Variants in GRM8 observed in about 807,000 individuals in gnomAD.
GRM8 encodes glutamate metabotropic receptor 8.
Under a neutral mutation model 87.2 loss-of-function variants are expected in GRM8, and 47 were observed. The ratio of observed to expected loss-of-function variants is 0.54; its 90% CI spans 0.43 to 0.69. The LOEUF (loss-of-function observed/expected upper bound fraction) is 0.69, where lower values mean the gene tolerates loss of function less well. GRM8 is among the 30% of genes least tolerant of loss of function. The probability of loss-of-function intolerance (pLI) is 0.00; values close to 1 mark genes in which losing one functional copy is unlikely to be tolerated. For missense variants in GRM8, 1,019 were observed against 1,139.2 expected (o/e 0.89, Z 1.52); for synonymous variants, 396 against 404.5 (o/e 0.98, Z 0.25).
chr7:126,826,776 C>T (rs1427452388), intron 6 of GRM8, among the ~76,000 whole-genome samples: 1 of 152,058 alleles, frequency 6.6e-6, no homozygotes, highest in East Asian at 1.9e-4. Flanking sequence ...GTGTTTTGGA[C>T]ATGAAGTCCT....
rs1816039529 is a variant in GRM8 at position 126,537,987 on chromosome 7, T to C, written c.1495-4100A>G. ...TTCCTCACCTTTGGTATTATTCTGTTATTAAGACGTTTTCAGTCTGAAATA... is the reference window on the plus strand; with the variant it reads ...TTCCTCACCTTTGGTATTATTCTGTCATTAAGACGTTTTCAGTCTGAAATA... On this transcript the variant is annotated intron_variant, in intron 8 of 10. Transcript: ENST00000339582. Among the ~76,000 whole-genome samples, 3 of 152,196 alleles carry C rather than the reference T, an allele frequency of 2.0e-5. No individual in the cohort carries two copies. In the South Asian group the frequency reaches 6.2e-4, roughly 31 times the overall value.
At chr7:126,471,029 G>C (rs1370032103) in intron 9 of GRM8, among the ~76,000 whole-genome samples, 1 of 152,168 alleles carries the variant, frequency 6.6e-6, no homozygotes, top group Non-Finnish European at 1.5e-5. Flanking sequence ...CCCACTTTTT[G>C]ATGGGGTTGT....
At position 126,713,145 on chromosome 7, in the gene GRM8, G is replaced by A. The variant is rs114820360; in HGVS notation, c.1357+56720C>T. ...CATTCTGCTATAAAGACACATGCAC[G>A]TGAATGTTTATTACAGTACTATTCA... On this transcript the variant is annotated intron_variant, in intron 7 of 10. Coordinates refer to ENST00000339582, the MANE Select transcript of GRM8 (RefSeq NM_000845.3). 2.2e-3 allele frequency among the ~76,000 whole-genome samples: 335 copies of A among 152,154 alleles called. 2 individuals are homozygous for A. The highest frequency in any genetic ancestry group is 7.8e-3 in the African/African-American group (325 of 41,514).
chr7:126,701,299 A>G (rs1302152143), intron 7 of GRM8, among the ~76,000 whole-genome samples: 1 of 152,158 alleles, frequency 6.6e-6, no homozygotes, highest in Non-Finnish European at 1.5e-5. Flanking sequence ...GGAGCACAGT[A>G]GCCTGTCAGT....
chr7:126,611,989 G>A (rs1338531356), intron 7 of GRM8, among the ~76,000 whole-genome samples: 2 of 152,106 alleles, frequency 1.3e-5, no homozygotes, highest in Non-Finnish European at 1.5e-5. Context: ...GTGGGTTCTG[G>A]AGACAGATCA....
At chr7:127,230,074 G>C (rs147796991) in intron 2 of GRM8, among the ~76,000 whole-genome samples, 1 of 152,160 alleles carries the variant, frequency 6.6e-6, no homozygotes, top group Non-Finnish European at 1.5e-5. Context: ...GGAAAGGGTT[G>C]GGGGGAGGGA....
chr7:126,578,965 A>G (rs1210718002), intron 8 of GRM8, among the ~76,000 whole-genome samples: 1 of 152,146 alleles, frequency 6.6e-6, no homozygotes, highest in African/African-American at 2.4e-5. Flanking sequence ...TTTAACCCAC[A>G]TTTACTGAGA....
chr7:126,781,192 C>G (rs1820037301), intron 6 of GRM8, among the ~76,000 whole-genome samples: 1 of 152,190 alleles, frequency 6.6e-6, no homozygotes, highest in East Asian at 1.9e-4. Flanking sequence ...GCATGGTCAA[C>G]ATAGTGAGTT....
intron 2 of GRM8, among the ~76,000 whole-genome samples, chr7:127,214,365 T>G (rs1796394691): frequency 6.6e-6 from 1 of 152,238 alleles, no homozygotes; most frequent in Admixed American, 6.5e-5. Flanking sequence ...TTATGATTTT[T>G]AAACTTTGTA....
In GRM8 at chr7:126,559,783, C is replaced by T. The variant is rs146006127; in HGVS notation, c.1495-25896G>A. ...CACCTGGTATGAATGTAAACTATTA[C>T]TTTAAATTGGAACTGAAAATTTCAA... On this transcript the variant is annotated intron_variant, in intron 8 of 10. Coordinates refer to ENST00000339582, the MANE Select transcript of GRM8 (RefSeq NM_000845.3). 1.4e-4 allele frequency among the ~76,000 whole-genome samples: 21 copies of T among 152,260 alleles called. No homozygotes were observed. The East Asian group carries it at 4.0e-3, about 29-fold the overall frequency.
intron 3 of GRM8, among the ~76,000 whole-genome samples, chr7:126,915,687 A>G (rs1803818201): frequency 6.6e-6 from 1 of 152,152 alleles, no homozygotes. Context: ...AAAGAAATAT[A>G]AAAGAAGAGA....
chr7:126,506,809 AAACATTTCTTC>A (rs1810545622), intron 9 of GRM8, among the ~76,000 whole-genome samples: 2 of 152,128 alleles, frequency 1.3e-5, no homozygotes, highest in African/African-American at 4.8e-5. Context: ...AGAAAAAAAG[AAACATTTCTTC>A]AACCTCTCTC....
At chr7:127,215,419 T>C (rs1028961840) in intron 2 of GRM8, among the ~76,000 whole-genome samples, 1 of 96,226 alleles carries the variant, frequency 1.0e-5, no homozygotes, top group Non-Finnish European at 2.3e-5. Flanking sequence ...TTCCTGGCTT[T>C]TGCAGACTCT....
chr7:127,228,706 A>C (rs1797497769), intron 2 of GRM8: 1 of 152,250 alleles, frequency 6.6e-6, no homozygotes, highest in African/African-American at 2.4e-5. Context: ...AAACATCTTT[A>C]AAATGTCCAA....
intron 9 of GRM8, among the ~76,000 whole-genome samples, chr7:126,468,783 A>T (rs1563039643): frequency 6.6e-6 from 1 of 152,136 alleles, no homozygotes; most frequent in Admixed American, 6.6e-5. Flanking sequence ...AATTAGACTC[A>T]TTTTAAATGG....
intron 6 of GRM8, among the ~76,000 whole-genome samples, chr7:126,887,378 T>C (rs919346287): frequency 6.6e-6 from 1 of 152,098 alleles, no homozygotes; most frequent in African/African-American, 2.4e-5. Context: ...GGAAAAAGAT[T>C]TTTGGCCACA....
At chr7:126,451,857 T>A (rs1418565698) in intron 9 of GRM8, among the ~76,000 whole-genome samples, 1 of 151,758 alleles carries the variant, frequency 6.6e-6, no homozygotes, top group African/African-American at 2.4e-5. Flanking sequence ...TTGAAAATTG[T>A]AACCCCCAAC....
chr7:126,838,924 G>C (rs1261123871), intron 6 of GRM8, among the ~76,000 whole-genome samples: 1 of 152,140 alleles, frequency 6.6e-6, no homozygotes, highest in Non-Finnish European at 1.5e-5. Flanking sequence ...TGCCCATCGG[G>C]GAAAGCCCTA....
chr7:127,141,495 T>C (rs58281640), intron 2 of GRM8, among the ~76,000 whole-genome samples: 1 of 152,270 alleles, frequency 6.6e-6, no homozygotes, highest in Middle Eastern at 3.4e-3. Context: ...TACTTCACAA[T>C]GAACCTAACA....
Sources: gnomAD v4.1 joint callset for allele counts (sites outside exome capture counted in the v4.1 genomes callset) on GRCh38, gnomAD v4.1.1 for gene constraint, MANE v1.5 for transcripts, NCBI Gene and HGNC (gene_info 2026-07-23, HGNC 2026-07-21) for gene names.